The following CCDC3 variants were observed in gnomAD, a reference collection of about 807,000 sequenced individuals.
CCDC3 encodes coiled-coil domain-containing protein 3.
In CCDC3, 24 loss-of-function variants were observed where a neutral mutation model predicts 21.4. That is an observed-to-expected ratio of 1.12 (90% CI 0.81 to 1.58). The LOEUF (loss-of-function observed/expected upper bound fraction) is 1.58. Ranked by LOEUF, CCDC3 falls within the 40% of genes most tolerant of loss-of-function variation. The pLI, the probability that CCDC3 is intolerant of heterozygous loss-of-function variation, is 0.00. For missense variants in CCDC3, 425 were observed against 360.9 expected (o/e 1.18, Z -1.44); for synonymous variants, 186 against 166.0 (o/e 1.12, Z -0.93).
chr10:13,060,257 C>A (rs923802540), intron 4 of CCDC3, among the ~76,000 whole-genome samples: 1 of 152,106 alleles, frequency 6.6e-6, no homozygotes, highest in Admixed American at 6.5e-5. Context: ...CCTTGCTGTG[C>A]GTGTCTGGGA....
intron 5 of CCDC3, among the ~76,000 whole-genome samples, chr10:13,023,939 G>C (rs924777735): frequency 1.3e-5 from 2 of 152,084 alleles, no homozygotes. Flanking sequence ...TACTCAAAAA[G>C]GTTGAAAATG....
At chr10:12,980,655 T>C (rs1397771923) in intron 2 of CCDC3, among the ~76,000 whole-genome samples, 1 of 152,242 alleles carries the variant, frequency 6.6e-6, no homozygotes, top group Non-Finnish European at 1.5e-5. Context: ...AACTTTCTGC[T>C]TCCAACACAG....
chr10:13,039,152 A>C (rs1394679385), intron 5 of CCDC3, among the ~76,000 whole-genome samples: 1 of 152,166 alleles, frequency 6.6e-6, no homozygotes, highest in African/African-American at 2.4e-5. Flanking sequence ...CTTCGAGCTC[A>C]CACCTGTAAT....
intron 2 of CCDC3, among the ~76,000 whole-genome samples, chr10:12,983,645 A>T (rs1835541042): frequency 1.4e-5 from 2 of 146,936 alleles, no homozygotes; most frequent in Admixed American, 1.4e-4. Context: ...GTTTACAGTC[A>T]TAGCTCTAAT....
At chr10:12,972,175 C>A (rs1835353357) in intron 2 of CCDC3, among the ~76,000 whole-genome samples, 1 of 152,122 alleles carries the variant, frequency 6.6e-6, no homozygotes, top group Admixed American at 6.5e-5. Flanking sequence ...CACGCACCCA[C>A]ACATGCCCTT....
At chr10:12,971,614 C>T (rs1301581575) in intron 2 of CCDC3, among the ~76,000 whole-genome samples, 3 of 152,200 alleles carry the variant, frequency 2.0e-5, no homozygotes, top group African/African-American at 4.8e-5. Context: ...CGTGTTGTAA[C>T]AGCTCCTTTG....
chr10:12,928,229 C>G (rs1380577971), intron 2 of CCDC3, among the ~76,000 whole-genome samples: 3 of 152,208 alleles, frequency 2.0e-5, no homozygotes, highest in Non-Finnish European at 4.4e-5. Context: ...CCCTCCAACT[C>G]TTGTCCACAC....
intron 5 of CCDC3, among the ~76,000 whole-genome samples, chr10:13,011,044 G>A (rs796630346): frequency 2.6e-5 from 4 of 152,186 alleles, no homozygotes; most frequent in African/African-American, 4.8e-5. Context: ...GCTGGGCCGC[G>A]GTGGTGCACA....
intron 5 of CCDC3, among the ~76,000 whole-genome samples, chr10:13,045,084 A>C (rs1836506202): frequency 6.6e-6 from 1 of 152,202 alleles, no homozygotes; most frequent in Non-Finnish European, 1.5e-5. Flanking sequence ...AACAGGCAAA[A>C]AATTACTCCA....
intron 2 of CCDC3, among the ~76,000 whole-genome samples, chr10:12,946,109 T>C (rs2131243107): frequency 6.6e-6 from 1 of 152,338 alleles, no homozygotes; most frequent in Middle Eastern, 3.4e-3. Flanking sequence ...CGGCCACCCA[T>C]TCTGCCCCAA....
intron 2 of CCDC3, among the ~76,000 whole-genome samples, chr10:12,899,908 C>A (rs893948346): frequency 6.6e-6 from 1 of 152,166 alleles, no homozygotes; most frequent in Non-Finnish European, 1.5e-5. Flanking sequence ...CAAATCTCAT[C>A]TTGAATTCTA....
intron 2 of CCDC3, among the ~76,000 whole-genome samples, chr10:12,955,000 G>C (rs1301033483): frequency 6.6e-6 from 1 of 151,998 alleles, no homozygotes; most frequent in Non-Finnish European, 1.5e-5. Context: ...GTCCCACCTA[G>C]ACATTACCAG....
rs1321124986 is a variant in CCDC3, at chr10:12,898,476, C to T, written c.753G>A (p.Ala251=). 5.6e-6 allele frequency: 9 copies of T among 1,613,216 alleles called. No individual in the cohort carries two copies. Among genetic ancestry groups the T allele is most frequent in the Middle Eastern group, 3.3e-4 (2 of 6,004 alleles). Residue 251 remains alanine (A), a synonymous_variant, in exon 3 of 3, where the codon GCG becomes GCA. Coordinates refer to ENST00000378825, the MANE Select transcript of CCDC3 (RefSeq NM_031455.4). ...ANQKLSEKLA[A]GALPHINARG... is the part of the protein sequence containing the mutation. Reference sequence around the variant, plus strand: ...GGGCATTGATGTGCGGCAGCGCGCCCGCCGCCAGCTTCTCACTGAGTTTCT... The same window carrying T: ...GGGCATTGATGTGCGGCAGCGCGCCTGCCGCCAGCTTCTCACTGAGTTTCT...
intron 2 of CCDC3, among the ~76,000 whole-genome samples, chr10:12,914,314 T>G (rs1316449889): frequency 6.6e-6 from 1 of 152,328 alleles, no homozygotes; most frequent in East Asian, 1.9e-4. Context: ...GTAGGTTGTA[T>G]GTGTCTAGGA....
intron 2 of CCDC3, among the ~76,000 whole-genome samples, chr10:12,934,815 T>G (rs1448739941): frequency 6.6e-6 from 1 of 152,000 alleles, no homozygotes; most frequent in Non-Finnish European, 1.5e-5. Context: ...CTTTATCTAT[T>G]TGAGACAGGG....
intron 2 of CCDC3, among the ~76,000 whole-genome samples, chr10:12,925,911 C>A (rs1834529536): frequency 6.6e-6 from 1 of 152,240 alleles, no homozygotes; most frequent in Non-Finnish European, 1.5e-5. Context: ...CAGAAAAGAA[C>A]AGGCAGAACA....
In CCDC3 at chr10:12,935,516, C is replaced by G. The variant is rs1834722420; in HGVS notation, c.550-36837G>C. Among the ~76,000 whole-genome samples, 4 of 152,132 alleles carry G rather than the reference C, an allele frequency of 2.6e-5. No individual in the cohort carries two copies. The South Asian group carries it at 8.3e-4, about 32-fold the overall frequency. ...CTGTTTTCTATTCATTACCCTGGTTCTCTATTCCTATTTTTTACTTCCTCC... is the reference window on the plus strand; with the variant it reads ...CTGTTTTCTATTCATTACCCTGGTTGTCTATTCCTATTTTTTACTTCCTCC... On this transcript the variant is annotated intron_variant, in intron 2 of 2. Coordinates refer to ENST00000378825, the MANE Select transcript of CCDC3 (RefSeq NM_031455.4).
At chr10:13,098,728 T>TTTTTTTG (rs1832667752) in intron 2 of CCDC3, 1 of 137,724 alleles carries the variant, frequency 7.3e-6, no homozygotes, top group Non-Finnish European at 1.5e-5. Flanking sequence ...TTTTTTTTTT[T>TTTTTTTG]TTTTTTGAGA....
At chr10:12,991,002 G>T (rs1253409963) in intron 2 of CCDC3, among the ~76,000 whole-genome samples, 3 of 152,220 alleles carry the variant, frequency 2.0e-5, no homozygotes, top group Non-Finnish European at 4.4e-5. Context: ...TCAAATACTT[G>T]TTGACCATAA....
Sources: allele counts gnomAD v4.1 joint callset (sites outside exome capture counted in the v4.1 genomes callset), GRCh38; gene constraint gnomAD v4.1.1; transcripts MANE v1.5; gene names NCBI Gene and HGNC (gene_info 2026-07-23, HGNC 2026-07-21).